Variants in ERLIN1 observed in about 807,000 individuals in gnomAD.
ERLIN1 encodes the protein erlin-1.
ERLIN1 carries 24 observed loss-of-function variants against 46.9 expected under a neutral mutation model. The observed-to-expected ratio is 0.51, with a 90% CI of 0.37 to 0.72. The LOEUF is 0.72. Among genes scored for constraint, ERLIN1 ranks in the 30% least tolerant of loss-of-function variants. ERLIN1 has a pLI of 0.00. For synonymous variants in ERLIN1, 158 were observed against 143.2 expected (o/e 1.10, Z -0.74); for missense variants, 293 against 417.9 (o/e 0.70, Z 2.61).
chr10:100,157,841 G>T (rs1843155814), intron 8 of ERLIN1, among the ~76,000 whole-genome samples: 1 of 152,228 alleles, frequency 6.6e-6, no homozygotes, highest in Admixed American at 6.5e-5. Flanking sequence ...GCTCTGTCAT[G>T]TGGGAATAAA....
intron 6 of ERLIN1, among the ~76,000 whole-genome samples, chr10:100,172,777 G>A (rs997578488): frequency 6.6e-6 from 1 of 152,288 alleles, no homozygotes; most frequent in Middle Eastern, 3.4e-3. Flanking sequence ...AAGAACATGT[G>A]TCATGAATGT....
intron 8 of ERLIN1, among the ~76,000 whole-genome samples, chr10:100,161,162 T>C (rs1843345965): frequency 6.6e-6 from 1 of 152,184 alleles, no homozygotes; most frequent in Non-Finnish European, 1.5e-5. Context: ...GTATGTGACT[T>C]AGAAGAAAAA....
intron 7 of ERLIN1, 69 bp from the exon 8 acceptor site, chr10:100,164,164 C>T: frequency 9.8e-7 from 1 of 1,022,004 alleles, no homozygotes. Context: ...GTAATTCTGA[C>T]CCTACAGTGA....
At chr10:100,173,071 G>A (rs1306556219) in intron 6 of ERLIN1, among the ~76,000 whole-genome samples, 1 of 152,168 alleles carries the variant, frequency 6.6e-6, no homozygotes, top group Non-Finnish European at 1.5e-5. Flanking sequence ...TAATGACATT[G>A]CATGAATGAG....
At chr10:100,181,495 T>C (rs1844640806) in intron 2 of ERLIN1, among the ~76,000 whole-genome samples, 1 of 151,794 alleles carries the variant, frequency 6.6e-6, no homozygotes. Flanking sequence ...ATTTATGTCT[T>C]ACTCTCTTAA....
At chr10:100,168,992 C>T (rs528022328) in intron 6 of ERLIN1, among the ~76,000 whole-genome samples, 4 of 152,238 alleles carry the variant, frequency 2.6e-5, no homozygotes, top group African/African-American at 9.6e-5. Context: ...CCAGGACTGT[C>T]TTTTGAAGAC....
intron 2 of ERLIN1, among the ~76,000 whole-genome samples, chr10:100,180,831 TC>T (rs1376987238): frequency 6.6e-6 from 1 of 152,176 alleles, no homozygotes; most frequent in African/African-American, 2.4e-5. Flanking sequence ...TCATTCTCCA[TC>T]TTATAGGGAG....
At position 100,156,173 on chromosome 10, in the gene ERLIN1, T is replaced by G. The variant is rs147144354; in HGVS notation, c.717A>C (p.Glu239Asp). 3 of 1,613,194 alleles carry G rather than the reference T, an allele frequency of 1.9e-6. No individual in the cohort carries two copies. Among genetic ancestry groups the G allele is most frequent in the Non-Finnish European group, 2.5e-6 (3 of 1,179,392 alleles). The change falls in exon 9 of 11, where the codon GAA (glutamate) becomes GAC (aspartate). Residue 239 changes from glutamate to aspartate, a missense_variant. Glu to Asp is a conservative substitution (Grantham distance 45, BLOSUM62 2). This residue lies in a region of ERLIN1 where 148 missense variants were observed against 266.5 expected (regional missense o/e 0.56). Coordinates refer to ENST00000421367, the MANE Select transcript of ERLIN1 (RefSeq NM_006459.4). ...CGATTTCAGAAATGCGCTTTTCAGT[T>G]TCTTTTTCCATCACTTTCTGCTGAA... is the stretch of plus-strand genomic sequence containing the variant. ...IRFQQKVMEK[E>D]TEKRISEIED...
Position 100,175,985 on chromosome 10 carries a change from G to A in ERLIN1, c.390C>T (p.Cys130=). Residue 130 remains cysteine, a synonymous_variant, in exon 5 of 11, where the codon TGC becomes TGT. Coordinates refer to ENST00000421367, the MANE Select transcript of ERLIN1 (RefSeq NM_006459.4). ...NKIHHELNQF[C]SAHTLQEVYI... ...AAACTTCCTGAAGTGTGTGGGCACT[G>A]CAGAACTGGTTCAGCTCATGGTGGA... 1 of 1,613,306 alleles carries A rather than the reference G, an allele frequency of 6.2e-7. No individual in the cohort carries two copies. Among genetic ancestry groups the A allele is most frequent in the Non-Finnish European group, 8.5e-7 (1 of 1,179,396 alleles).
At chr10:100,169,862 A>T (rs560558731) in intron 6 of ERLIN1, among the ~76,000 whole-genome samples, 1 of 151,634 alleles carries the variant, frequency 6.6e-6, no homozygotes, top group Admixed American at 6.6e-5. Context: ...TACAAAAAAT[A>T]AAAAAATTAG....
intron 4 of ERLIN1, among the ~76,000 whole-genome samples, chr10:100,176,467 C>T (rs926761161): frequency 1.3e-5 from 2 of 152,072 alleles, no homozygotes; most frequent in African/African-American, 4.8e-5. Context: ...AAGCATAAGG[C>T]AATTACTGCA....
intron 6 of ERLIN1, among the ~76,000 whole-genome samples, chr10:100,170,446 A>G (rs968279684): frequency 2.0e-5 from 3 of 152,212 alleles, no homozygotes; most frequent in African/African-American, 7.2e-5. Flanking sequence ...TTTTCAATCA[A>G]TAACTTTTTA....
Position 100,176,029 on chromosome 10 carries a change from T to A in ERLIN1, c.346A>T (p.Thr116Ser). 6.2e-7 allele frequency: 1 copy of A among 1,611,814 alleles called. No individual in the cohort carries two copies. Residue 116 changes from threonine to serine, a missense_variant, in exon 5 of 11, where the codon ACC (threonine) becomes TCC (serine). Coordinates refer to ENST00000421367, the MANE Select transcript of ERLIN1 (RefSeq NM_006459.4). ...TGGTGGATTTTATTGAAGATTAAGG[T>A]CTTGTCATAATCTGCAGTATAGTTC... ...VRNYTADYDK[T>S]LIFNKIHHEL...
At chr10:100,177,545 C>G (rs1454023876) in intron 4 of ERLIN1, among the ~76,000 whole-genome samples, 1 of 152,144 alleles carries the variant, frequency 6.6e-6, no homozygotes, top group East Asian at 1.9e-4. Flanking sequence ...TCAAATTATT[C>G]TTGCCAAACA....
chr10:100,159,591 G>A (rs972706805), intron 8 of ERLIN1, among the ~76,000 whole-genome samples: 1 of 151,224 alleles, frequency 6.6e-6, no homozygotes, highest in Non-Finnish European at 1.5e-5. Flanking sequence ...CTACAATGTA[G>A]TAACACTGGA....
At position 100,154,843 on chromosome 10, in the gene ERLIN1, G is replaced by T; in HGVS notation, c.825+17C>A. 6.2e-7 allele frequency: 1 copy of T among 1,606,786 alleles called. No homozygotes were observed. On this transcript the variant is annotated intron_variant, in intron 10 of 10. Coordinates refer to ENST00000421367, the MANE Select transcript of ERLIN1 (RefSeq NM_006459.4). Reference sequence around the variant, plus strand: ...CCCGAAATGCATCATTAGGAAAGTGGCCAGGGAGCCAGTCACCTTGTTTGA... The same window carrying T: ...CCCGAAATGCATCATTAGGAAAGTGTCCAGGGAGCCAGTCACCTTGTTTGA...
chr10:100,174,265 GT>G lies in ERLIN1; in HGVS notation c.446del (p.Asn149ThrfsTer2). The G allele has an allele frequency of 6.4e-7, 1 of 1,559,568 alleles. No individual in the cohort carries two copies. The highest frequency in any genetic ancestry group is 1.9e-5 in the Admixed American group (1 of 51,912). On this transcript the variant is annotated frameshift_variant, in exon 6 of 11. Transcript: ENST00000421367. LOFTEE classifies it high-confidence loss of function. Reference protein sequence around the residue: ...YIELFDQIDENLKQALQKDLN... With the variant: ...YIELFDQIDEXLKQALQKDLN... Reference sequence around the variant, plus strand: ...AGTCTTTCTGCAGAGCTTGCTTCAGGTTTTCATCTATTTGATCTGTTTTTTA... The same window carrying G: ...AGTCTTTCTGCAGAGCTTGCTTCAGGTTTCATCTATTTGATCTGTTTTTTA...
intron 10 of ERLIN1, among the ~76,000 whole-genome samples, chr10:100,154,578 T>C (rs1038598282): frequency 6.6e-6 from 1 of 152,198 alleles, no homozygotes; most frequent in African/African-American, 2.4e-5. Context: ...CAATTCTAAA[T>C]AGACTTTACT....
At chr10:100,157,903 G>C (rs967260224) in intron 8 of ERLIN1, among the ~76,000 whole-genome samples, 3 of 152,178 alleles carry the variant, frequency 2.0e-5, no homozygotes, top group African/African-American at 7.2e-5. Context: ...AAGGCCAAAA[G>C]GCCAGAGAGA....
Sources: allele counts gnomAD v4.1 joint callset (sites outside exome capture counted in the v4.1 genomes callset), GRCh38; gene constraint gnomAD v4.1.1; regional missense constraint gnomAD v4.1.1; transcripts MANE v1.5; gene names NCBI Gene and HGNC (gene_info 2026-07-23, HGNC 2026-07-21).